Variants in ZMYND11 observed in about 807,000 individuals in gnomAD.
ZMYND11 encodes the protein zinc finger MYND-type containing 11.
ZMYND11 carries 9 observed loss-of-function variants against 84.9 expected under a neutral mutation model. The observed-to-expected ratio is 0.11, with a 90% CI of 0.06 to 0.18. The LOEUF (loss-of-function observed/expected upper bound fraction) is 0.18, where lower values mean the gene tolerates loss of function less well. Among genes scored for constraint, ZMYND11 ranks in the 10% least tolerant of loss-of-function variants. The probability of loss-of-function intolerance (pLI) is 1.00; values close to 1 mark genes in which losing one functional copy is unlikely to be tolerated. For missense variants in ZMYND11, 409 were observed against 761.0 expected (o/e 0.54, Z 5.44); for synonymous variants, 250 against 244.1 (o/e 1.02, Z -0.23).
chr10:226,802 T>C (rs181860355), intron 4 of ZMYND11, among the ~76,000 whole-genome samples: 23 of 152,316 alleles, frequency 1.5e-4, no homozygotes, highest in Non-Finnish European at 2.8e-4. Flanking sequence ...TAAAATTTTA[T>C]ATTACTATTC....
chr10:152,421 C>A (rs533448546), intron 1 of ZMYND11, among the ~76,000 whole-genome samples: 176 of 152,242 alleles, frequency 1.2e-3, no homozygotes, highest in Non-Finnish European at 1.9e-3. Flanking sequence ...CAATCCTAGT[C>A]TCTGATAAAA....
intron 1 of ZMYND11, among the ~76,000 whole-genome samples, chr10:165,262 T>C (rs547203200): frequency 1.2e-4 from 18 of 152,148 alleles, no homozygotes; most frequent in Non-Finnish European, 2.5e-4. Context: ...CTAGCAATAT[T>C]CTGTACTTTC....
intron 1 of ZMYND11, among the ~76,000 whole-genome samples, chr10:172,767 C>CA (rs782744924): frequency 1.3e-5 from 2 of 152,020 alleles, no homozygotes; most frequent in Non-Finnish European, 2.9e-5. Flanking sequence ...TATGCAGAGA[C>CA]AAAATACCCA....
In ZMYND11 at chr10:249,369, A is replaced by G. The variant is rs990239191; in HGVS notation, c.1686+281A>G. On this transcript the variant is annotated intron_variant, in intron 14 of 14. Coordinates refer to ENST00000381604, the MANE Select transcript of ZMYND11 (RefSeq NM_001370100.5). The stretch of plus-strand genomic sequence containing the variant: ...ATTAACTTATATAATTTCTCCATCT[A>G]TGCATATATTTTATTTGGGCAAAGT... The G allele has an allele frequency of 5.2e-6, 6 of 1,150,974 alleles. No homozygotes were observed. The African/African-American group carries it at 9.6e-5, about 18-fold the overall frequency. The allele number at this position is 1,150,974 out of a possible 1,614,324, so 71.3% of individuals were successfully genotyped here. A position where few individuals can be genotyped will look rare whatever the true frequency, so the allele number is the denominator to read the frequency against.
intron 1 of ZMYND11, among the ~76,000 whole-genome samples, chr10:157,937 G>A (rs1842075935): frequency 6.6e-6 from 1 of 152,134 alleles, no homozygotes; most frequent in South Asian, 2.1e-4. Context: ...TGTTCTGGAC[G>A]TTTCATGTAA....
chr10:213,929 C>T (rs1363251953), intron 3 of ZMYND11, among the ~76,000 whole-genome samples: 76 of 152,158 alleles, frequency 5.0e-4, no homozygotes, highest in Non-Finnish European at 1.5e-4. Flanking sequence ...AACAAGATTA[C>T]TTTTATGAAA....
chr10:250,880 G>A (rs747366835), intron 14 of ZMYND11, among the ~76,000 whole-genome samples: 1 of 152,074 alleles, frequency 6.6e-6, no homozygotes, highest in Non-Finnish European at 1.5e-5. Flanking sequence ...AAAATTAGCC[G>A]GGCGTGGTGG....
chr10:170,824 G>A (rs1207612655), intron 1 of ZMYND11, among the ~76,000 whole-genome samples: 1 of 152,032 alleles, frequency 6.6e-6, no homozygotes, highest in Non-Finnish European at 1.5e-5. Flanking sequence ...GACAAACATG[G>A]TAGATATTAA....
chr10:165,747 C>T, intron 1 of ZMYND11, among the ~76,000 whole-genome samples: 1 of 152,078 alleles, frequency 6.6e-6, no homozygotes, highest in Admixed American at 6.6e-5. Context: ...CTTAAAAAAC[C>T]CATTATTTTC....
At chr10:186,556 A>G (rs3001994) in intron 2 of ZMYND11, among the ~76,000 whole-genome samples, 139,666 of 150,198 alleles carry the variant, frequency 0.93, 65,249 homozygotes, top group Non-Finnish European at 0.98. Flanking sequence ...CAGGAGAATC[A>G]CTTGAATCTG....
intron 1 of ZMYND11, among the ~76,000 whole-genome samples, chr10:176,229 T>A (rs782712118): frequency 1.3e-5 from 2 of 152,188 alleles, no homozygotes; most frequent in African/African-American, 4.8e-5. Context: ...AATATCAGTA[T>A]CACCTAGGGG....
At chr10:136,401 G>C (rs1836068629) in intron 1 of ZMYND11, among the ~76,000 whole-genome samples, 1 of 152,216 alleles carries the variant, frequency 6.6e-6, no homozygotes, top group African/African-American at 2.4e-5. Context: ...TCGTTGTGCA[G>C]TGCGGTGTCC....
upstream of ZMYND11, among the ~76,000 whole-genome samples, chr10:133,517 T>A (rs1283743955): frequency 2.0e-5 from 3 of 152,154 alleles, no homozygotes; most frequent in Non-Finnish European, 2.9e-5. Flanking sequence ...CCCTACAAAG[T>A]ATAACTGGGA....
intron 4 of ZMYND11, among the ~76,000 whole-genome samples, chr10:235,551 A>C (rs1291641565): frequency 1.3e-5 from 2 of 152,218 alleles, no homozygotes; most frequent in Non-Finnish European, 2.9e-5. Context: ...AGCAAATACG[A>C]ATCACAGGCC....
chr10:218,076 GAC>G (rs1397921566), intron 3 of ZMYND11, among the ~76,000 whole-genome samples: 2 of 152,130 alleles, frequency 1.3e-5, no homozygotes, highest in East Asian at 3.9e-4. Context: ...AAATTAATAA[GAC>G]ATACATTCAT....
intron 1 of ZMYND11, among the ~76,000 whole-genome samples, chr10:167,990 CT>C (rs1239239181): frequency 6.6e-6 from 1 of 152,102 alleles, no homozygotes; most frequent in African/African-American, 2.4e-5. Context: ...TTGATACCCC[CT>C]GGCAACCAAC....
At chr10:194,885 A>T (rs975096387) in intron 2 of ZMYND11, among the ~76,000 whole-genome samples, 2 of 152,208 alleles carry the variant, frequency 1.3e-5, no homozygotes, top group Admixed American at 6.5e-5. Context: ...ATTTATAGAG[A>T]TACTGGCTAA....
At chr10:141,353 G>C (rs941882835) in intron 1 of ZMYND11, among the ~76,000 whole-genome samples, 2 of 152,176 alleles carry the variant, frequency 1.3e-5, no homozygotes, top group African/African-American at 4.8e-5. Flanking sequence ...CCATTGTAGA[G>C]TTTTCAGTTC....
At chr10:251,388 G>A (rs993119931) in intron 14 of ZMYND11, among the ~76,000 whole-genome samples, 4 of 152,156 alleles carry the variant, frequency 2.6e-5, no homozygotes, top group Admixed American at 6.5e-5. Flanking sequence ...TTCTGAAGGT[G>A]CACTTGCTGA....
Sources: allele counts gnomAD v4.1 joint callset (sites outside exome capture counted in the v4.1 genomes callset), GRCh38; gene constraint gnomAD v4.1.1; transcripts MANE v1.5; gene names NCBI Gene and HGNC (gene_info 2026-07-23, HGNC 2026-07-21).